Variants in LRP1B observed in about 807,000 individuals in gnomAD.
LRP1B encodes LDL receptor related protein 1B, also known as low-density lipoprotein receptor-related protein 1B.
A neutral mutation model predicts 556.6 loss-of-function variants in LRP1B; 217 were observed. The observed-to-expected ratio is 0.39, with a 90% CI of 0.35 to 0.44. LRP1B has a LOEUF of 0.44. Among genes scored for constraint, LRP1B ranks in the 20% least tolerant of loss-of-function variants. The pLI is 1.00. For synonymous variants in LRP1B, 2,047 were observed against 1,865.8 expected, an observed-to-expected ratio of 1.10 and a Z score of -2.50; for missense variants, 5,053 against 5,620.8, an observed-to-expected ratio of 0.90 and a Z score of 3.23.
At position 140,605,383 on chromosome 2, in the gene LRP1B, G is replaced by C. The variant is rs749593682; in HGVS notation, c.6800-3744C>G. On this transcript the variant is annotated intron_variant, in intron 41 of 90. Transcript: ENST00000389484. ...GGATACAGGTCCAATTCACTATCCAGATCTGATGTTGAACTCTTTACAAAT... is the reference window on the plus strand; with the variant it reads ...GGATACAGGTCCAATTCACTATCCACATCTGATGTTGAACTCTTTACAAAT... 5.9e-4 allele frequency among the ~76,000 whole-genome samples: 90 copies of C among 152,094 alleles called. 1 individual carries two copies. The highest frequency in any genetic ancestry group is 4.7e-4 in the Non-Finnish European group (32 of 68,010).
At chr2:140,976,960 GC>G (rs1399581543) in intron 18 of LRP1B, among the ~76,000 whole-genome samples, 3 of 152,132 alleles carry the variant, frequency 2.0e-5, no homozygotes, top group Non-Finnish European at 4.4e-5. Flanking sequence ...GACAGAACAA[GC>G]CAAAGATTGT....
intron 8 of LRP1B, among the ~76,000 whole-genome samples, chr2:141,060,582 T>C (rs1699307814): frequency 6.6e-6 from 1 of 151,740 alleles, no homozygotes; most frequent in Non-Finnish European, 1.5e-5. Flanking sequence ...AAGGAACCTG[T>C]GGTGATGGGA....
At chr2:142,093,849 C>T (rs1381749561) in intron 1 of LRP1B, among the ~76,000 whole-genome samples, 2 of 152,160 alleles carry the variant, frequency 1.3e-5, no homozygotes, top group East Asian at 1.9e-4. Flanking sequence ...AGATATGGTG[C>T]AGGCAATACA....
At chr2:140,541,643 C>G in intron 44 of LRP1B, 136 bp downstream of exon 44, 1 of 675,284 alleles carries the variant, frequency 1.5e-6, no homozygotes, top group Non-Finnish European at 2.3e-6. Context: ...AAAACAAAAT[C>G]CACAGTCATA....
chr2:140,620,221 C>T (rs1252794496), intron 41 of LRP1B, among the ~76,000 whole-genome samples: 1 of 152,050 alleles, frequency 6.6e-6, no homozygotes, highest in African/African-American at 2.4e-5. Flanking sequence ...GGCCATTGTC[C>T]ACTCCAAGTC....
In LRP1B at chr2:140,626,799, T is replaced by C. The variant is rs115746240; in HGVS notation, c.6800-25160A>G. On this transcript the variant is annotated intron_variant, in intron 41 of 90. Coordinates refer to ENST00000389484, the MANE Select transcript of LRP1B (RefSeq NM_018557.3). ...CAATAAAAGATTAATATATAAAATA[T>C]ATAAAGATCTCCCACAAGTCAATAA... Among the ~76,000 whole-genome samples the C allele has an allele frequency of 7.2e-3, 1,083 of 150,630 alleles. 12 individuals carry two copies. Among genetic ancestry groups the C allele is most frequent in the African/African-American group, 0.023 (953 of 41,166 alleles).
At chr2:141,587,556 A>G (rs1007597042) in intron 2 of LRP1B, among the ~76,000 whole-genome samples, 1 of 152,154 alleles carries the variant, frequency 6.6e-6, no homozygotes, top group Non-Finnish European at 1.5e-5. Context: ...TCCCTCTTCA[A>G]TTAGGTTGTT....
intron 35 of LRP1B, among the ~76,000 whole-genome samples, chr2:140,725,876 A>T (rs1687576918): frequency 6.6e-6 from 1 of 151,510 alleles, no homozygotes; most frequent in Non-Finnish European, 1.5e-5. Flanking sequence ...CCAAAGAAAA[A>T]CTCTTTCTAG....
chr2:141,724,069 AAAAT>A (rs535669473), intron 2 of LRP1B, among the ~76,000 whole-genome samples: 134 of 152,144 alleles, frequency 8.8e-4, no homozygotes, highest in Admixed American at 7.2e-3. Context: ...GATAAGAAAG[AAAAT>A]AAATAGTCTG....
At chr2:141,525,386 T>C (rs1170154630) in intron 2 of LRP1B, among the ~76,000 whole-genome samples, 5 of 152,074 alleles carry the variant, frequency 3.3e-5, no homozygotes, top group Non-Finnish European at 7.4e-5. Context: ...AATAGGCTAC[T>C]GCTTGGGGTT....
intron 31 of LRP1B, among the ~76,000 whole-genome samples, chr2:140,814,821 C>T (rs1029135564): frequency 1.3e-5 from 2 of 152,168 alleles, no homozygotes; most frequent in South Asian, 2.1e-4. Flanking sequence ...CAGTGTGTCA[C>T]GGAGGTAAGG....
At chr2:141,422,826 T>A (rs1339519846) in intron 3 of LRP1B, among the ~76,000 whole-genome samples, 1 of 152,330 alleles carries the variant, frequency 6.6e-6, no homozygotes, top group East Asian at 1.9e-4. Flanking sequence ...TTCAAGGGAT[T>A]CTTGATATTA....
At chr2:141,749,986 G>A (rs577615168) in intron 2 of LRP1B, among the ~76,000 whole-genome samples, 17 of 152,200 alleles carry the variant, frequency 1.1e-4, no homozygotes, top group East Asian at 1.9e-4. Flanking sequence ...ACTAGTAACC[G>A]GAAGGAAGCT....
intron 2 of LRP1B, among the ~76,000 whole-genome samples, chr2:141,748,744 C>T (rs1693999941): frequency 6.6e-6 from 1 of 152,150 alleles, no homozygotes; most frequent in Admixed American, 6.5e-5. Flanking sequence ...GTGGTAGAAA[C>T]ACTCTGGCCT....
intron 3 of LRP1B, among the ~76,000 whole-genome samples, chr2:141,421,026 C>T (rs559264553): frequency 3.9e-5 from 6 of 152,306 alleles, no homozygotes; most frequent in African/African-American, 7.2e-5. Context: ...TGCCTTTCAA[C>T]GTAGCTGTTC....
In LRP1B at chr2:142,122,898, G is replaced by A. The variant is rs190471978; in HGVS notation, c.82+7750C>T. 6.6e-5 allele frequency among the ~76,000 whole-genome samples: 10 copies of A among 152,132 alleles called. No homozygotes were observed. The East Asian group carries it at 1.9e-3, about 29-fold the overall frequency. On this transcript the variant is annotated intron_variant, in intron 1 of 90. Coordinates refer to ENST00000389484, the MANE Select transcript of LRP1B (RefSeq NM_018557.3). ...TAAAAGCTTTGGAAATGCACAAAAT[G>A]TCTTAGATAATCTAAAAACTGAATC... is the stretch of plus-strand genomic sequence containing the variant.
intron 66 of LRP1B, among the ~76,000 whole-genome samples, chr2:140,439,228 A>G (rs1259585448): frequency 6.6e-6 from 1 of 152,108 alleles, no homozygotes; most frequent in African/African-American, 2.4e-5. Context: ...TACAATTGGG[A>G]TATTCTACTT....
chr2:140,557,124 A>T (rs1574076839), intron 43 of LRP1B, among the ~76,000 whole-genome samples: 3 of 152,166 alleles, frequency 2.0e-5, no homozygotes, highest in African/African-American at 7.2e-5. Flanking sequence ...TACGATTTAC[A>T]TACCAAGTGA....
chr2:141,641,531 G>C (rs1208307916), intron 2 of LRP1B, among the ~76,000 whole-genome samples: 1 of 152,056 alleles, frequency 6.6e-6, no homozygotes, highest in African/African-American at 2.4e-5. Context: ...TGAATTAAGG[G>C]AGCTTCCAAA....
Sources: allele counts gnomAD v4.1 joint callset (sites outside exome capture counted in the v4.1 genomes callset), GRCh38; gene constraint gnomAD v4.1.1; transcripts MANE v1.5; gene names NCBI Gene and HGNC (gene_info 2026-07-23, HGNC 2026-07-21).